LRCH3: variants seen among roughly 807,000 people sequenced by gnomAD.
The protein encoded by LRCH3 is leucine rich repeats and calponin homology domain containing 3.
LRCH3 carries 68 observed loss-of-function variants against 104.5 expected under a neutral mutation model. The ratio of observed to expected loss-of-function variants is 0.65; its 90% CI spans 0.54 to 0.80. The LOEUF (loss-of-function observed/expected upper bound fraction) is 0.80. Ranked by LOEUF, LRCH3 falls within the 30% of genes least tolerant of loss-of-function variation. The pLI is 0.00. For missense variants in LRCH3, 951 were observed against 953.9 expected, an observed-to-expected ratio of 1.00 and a Z score of 0.04; for synonymous variants, 344 against 361.3, an observed-to-expected ratio of 0.95 and a Z score of 0.54.
intron 1 of LRCH3, among the ~76,000 whole-genome samples, chr3:197,804,057 A>C (rs1209779005): frequency 2.6e-5 from 4 of 151,780 alleles, no homozygotes; most frequent in Non-Finnish European, 5.9e-5. Context: ...CAGGAGTTCG[A>C]GACCAGCCTG....
At chr3:197,860,523 A>G (rs1347260005) in intron 15 of LRCH3, among the ~76,000 whole-genome samples, 1 of 152,068 alleles carries the variant, frequency 6.6e-6, no homozygotes, top group Non-Finnish European at 1.5e-5. Flanking sequence ...CTGTGATCAC[A>G]CCACTGTACC....
intron 17 of LRCH3, among the ~76,000 whole-genome samples, chr3:197,869,751 G>A (rs113607098): frequency 1.8e-5 from 2 of 112,954 alleles, no homozygotes; most frequent in Non-Finnish European, 1.8e-5. Flanking sequence ...ACCTGCAGGA[G>A]GTAGAAAGCG....
chr3:197,876,359 G>C (rs1266406378), intron 20 of LRCH3: 1 of 152,184 alleles, frequency 6.6e-6, no homozygotes, highest in East Asian at 1.9e-4. Context: ...AGTCTGGCAT[G>C]CAACAGGCCA....
intron 9 of LRCH3, among the ~76,000 whole-genome samples, chr3:197,838,727 G>A (rs562339886): frequency 9.9e-5 from 15 of 152,268 alleles, no homozygotes; most frequent in African/African-American, 3.6e-4. Flanking sequence ...TCTTTGGTTT[G>A]TAGATAAGTA....
At chr3:197,825,463 G>GTT (rs1491060533) in intron 4 of LRCH3, among the ~76,000 whole-genome samples, 2 of 29,354 alleles carry the variant, frequency 6.8e-5, no homozygotes, top group Non-Finnish European at 1.4e-4. Flanking sequence ...GATCCTCTTT[G>GTT]ATTTTTTTTT....
At chr3:197,857,256 T>A (rs77481852) in intron 14 of LRCH3, among the ~76,000 whole-genome samples, 2,668 of 150,772 alleles carry the variant, frequency 0.018, 44 homozygotes, top group East Asian at 0.069. Context: ...TACACTGACA[T>A]TCTCTTCCGG....
chr3:197,850,947 C>T lies in LRCH3; in HGVS notation c.1531-1614C>T, dbSNP rs112628856. On this transcript the variant is annotated intron_variant, in intron 12 of 20. Transcript: ENST00000425562. ...GGGGTTCTCCGGGTCAAGTGAATAG[C>T]GAACCATTTTTCACAGATTACCTCA... 5.4e-3 allele frequency: 4,299 copies of T among 797,556 alleles called. 136 individuals carry two copies. The African/African-American group carries it at 0.06, about 11-fold the overall frequency. The allele number at this position is 797,556 out of a possible 1,614,324, so 49.4% of individuals were successfully genotyped here. A position where few individuals can be genotyped will look rare whatever the true frequency, so the allele number is the denominator to read the frequency against.
intron 2 of LRCH3, among the ~76,000 whole-genome samples, chr3:197,815,939 C>T (rs1175919159): frequency 6.6e-6 from 1 of 152,124 alleles, no homozygotes; most frequent in Non-Finnish European, 1.5e-5. Flanking sequence ...GAGTTTTCCT[C>T]TTATCATGAA....
intron 20 of LRCH3, among the ~76,000 whole-genome samples, chr3:197,878,743 T>G (rs539408851): frequency 2.2e-3 from 339 of 152,308 alleles, no homozygotes; most frequent in African/African-American, 4.9e-3. Context: ...CAAACTAGCC[T>G]TCTGAGGTCC....
intron 12 of LRCH3, chr3:197,850,298 T>G: frequency 1.6e-5 from 10 of 629,638 alleles, no homozygotes; most frequent in Non-Finnish European, 2.5e-5. Context: ...TTTAAGTACA[T>G]TATATATATT....
chr3:197,881,261 C>A (rs1004219370), intron 20 of LRCH3: 1 of 997,046 alleles, frequency 1.0e-6, no homozygotes, highest in African/African-American at 1.7e-5. Flanking sequence ...TCGGTAGGCA[C>A]AGGTCCATAT....
At chr3:197,863,345 C>G (rs1250299569) in intron 15 of LRCH3, among the ~76,000 whole-genome samples, 2 of 152,136 alleles carry the variant, frequency 1.3e-5, no homozygotes, top group Non-Finnish European at 2.9e-5. Flanking sequence ...TCACTGCAAC[C>G]TCCGCCTCCA....
At chr3:197,795,717 G>A (rs1731136906) in intron 1 of LRCH3, among the ~76,000 whole-genome samples, 1 of 126,774 alleles carries the variant, frequency 7.9e-6, no homozygotes, top group African/African-American at 3.2e-5. Context: ...TTTTGAGATG[G>A]AGTCTCGCTC....
Position 197,847,978 on chromosome 3 carries a change from G to T in LRCH3, c.1487G>T (p.Arg496Met), listed in dbSNP as rs1271682138. ...CTGCAGTATGAGGAGGAGAAAATAA[G>T]GACCAAGCAGATCCAGAGAGATGCT... is the stretch of plus-strand genomic sequence containing the variant. ...AALQYEEEKI[R>M]TKQIQRDAVL... Residue 496 changes from arginine (R) to methionine (M), a missense_variant, in exon 12 of 21, where the codon AGG (arginine) becomes ATG (methionine). Physicochemically the swap from Arg to Met is moderately conservative, Grantham distance 91. Transcript: ENST00000425562. 6.2e-7 allele frequency: 1 copy of T among 1,614,138 alleles called. No homozygotes were observed. The highest frequency in any genetic ancestry group is 1.7e-5 in the Admixed American group (1 of 60,012).
At chr3:197,813,150 A>G (rs1733383695) in intron 1 of LRCH3, among the ~76,000 whole-genome samples, 1 of 152,174 alleles carries the variant, frequency 6.6e-6, no homozygotes, top group Non-Finnish European at 1.5e-5. Context: ...AGGTACTCTG[A>G]TAGAGCCATA....
chr3:197,826,989 A>G lies in LRCH3; in HGVS notation c.752A>G (p.Asn251Ser). ...CTACAGACGATCACCCTAGATAACA[A>G]TCCACTACAATCACCTCCTGCACAG... ...RHLQTITLDN[N>S]PLQSPPAQIC... The change falls in exon 5 of 21, where the codon AAT (asparagine) becomes AGT (serine). Residue 251 changes from asparagine to serine, a missense_variant. Asn to Ser is a conservative substitution (Grantham distance 46). Coordinates refer to ENST00000425562, the MANE Select transcript of LRCH3 (RefSeq NM_001365715.1). 6.2e-7 allele frequency: 1 copy of G among 1,614,010 alleles called. No individual in the cohort carries two copies. The highest frequency in any genetic ancestry group is 8.5e-7 in the Non-Finnish European group (1 of 1,179,986).
chr3:197,812,505 T>TTTTG lies in LRCH3; in HGVS notation c.263-2400_263-2399insGTTT, dbSNP rs1491539706. On this transcript the variant is annotated intron_variant, in intron 1 of 20. Coordinates refer to ENST00000425562, the MANE Select transcript of LRCH3 (RefSeq NM_001365715.1). The stretch of plus-strand genomic sequence containing the variant: ...TATCTGTTCAAGTCTCTGCTTTCAG[T>TTTTG]TTTTTTTTTTTTTTTTTTTTTTTTT... 1.1e-4 allele frequency among the ~76,000 whole-genome samples: 9 copies of TTTTG among 83,464 alleles called. 1 individual carries two copies. The highest frequency in any genetic ancestry group is 4.7e-4 in the African/African-American group (8 of 16,954). 54.8% of individuals were successfully genotyped at this position (83,464 alleles called of 152,430 possible). A position where few individuals can be genotyped will look rare whatever the true frequency, so the allele number is the denominator to read the frequency against.
intron 8 of LRCH3, among the ~76,000 whole-genome samples, chr3:197,833,691 C>T (rs1246795331): frequency 6.6e-6 from 1 of 151,942 alleles, no homozygotes; most frequent in Non-Finnish European, 1.5e-5. Flanking sequence ...ACATATTAGA[C>T]AATGTAAAAT....
Position 197,813,510 on chromosome 3 carries a change from ATTTTTTTTTTTTTT to A in LRCH3, c.263-1373_263-1360del, listed in dbSNP as rs57062885. On this transcript the variant is annotated intron_variant, in intron 1 of 20. Coordinates refer to ENST00000425562, the MANE Select transcript of LRCH3 (RefSeq NM_001365715.1). ...CCGTTCTTCTAATGGGAGGCATATAATTTTTTTTTTTTTTTTTTTTTTTTTTTTTTTTTTTTTTG... is the reference window on the plus strand; with the variant it reads ...CCGTTCTTCTAATGGGAGGCATATAATTTTTTTTTTTTTTTTTTTTTTTTG... Among the ~76,000 whole-genome samples, 107 of 66,058 alleles carry A rather than the reference ATTTTTTTTTTTTTT, an allele frequency of 1.6e-3. 5 individuals carry two copies. The South Asian group carries it at 0.021, about 13-fold the overall frequency. The allele number at this position is 66,058 out of a possible 152,430, so 43.3% of individuals were successfully genotyped here. A position where few individuals can be genotyped will look rare whatever the true frequency, so the allele number is the denominator to read the frequency against.
Sources: gnomAD v4.1 joint callset for allele counts (sites outside exome capture counted in the v4.1 genomes callset) on GRCh38, gnomAD v4.1.1 for gene constraint, MANE v1.5 for transcripts, NCBI Gene and HGNC (gene_info 2026-07-23, HGNC 2026-07-21) for gene names.